Variants in VWA3A observed in about 807,000 individuals in gnomAD.
VWA3A encodes von Willebrand factor A domain containing 3A.
VWA3A carries 134 observed loss-of-function variants against 160.4 expected under a neutral mutation model. That is an observed-to-expected ratio of 0.84 (90% confidence interval 0.73 to 0.96). The LOEUF (loss-of-function observed/expected upper bound fraction) is 0.96, where lower values mean the gene tolerates loss of function less well. Ranked by LOEUF, VWA3A falls within the 40% of genes least tolerant of loss-of-function variation. VWA3A has a pLI of 0.00. For missense variants in VWA3A, 1,310 were observed against 1,447.9 expected, an observed-to-expected ratio of 0.90 and a Z score of 1.55; for synonymous variants, 476 against 543.4, an observed-to-expected ratio of 0.88 and a Z score of 1.72.
chr16:22,109,719 C>T lies in VWA3A; in HGVS notation c.582+139C>T. 21 of 693,372 alleles carry T rather than the reference C, an allele frequency of 3.0e-5. No homozygotes were observed. The South Asian group carries it at 3.9e-4, about 13-fold the overall frequency. 43.0% of individuals were successfully genotyped at this position (693,372 alleles called of 1,614,324 possible). A position where few individuals can be genotyped will look rare whatever the true frequency, so the allele number is the denominator to read the frequency against. Reference sequence around the variant, plus strand: ...AAGAACAGTTCACACTTAATTAGCACCTGTGGTTAGAGAACTATGTTGAAT... The same window carrying T: ...AAGAACAGTTCACACTTAATTAGCATCTGTGGTTAGAGAACTATGTTGAAT... On this transcript the variant is annotated intron_variant, in intron 7 of 33. Transcript: ENST00000389398.
intron 14 of VWA3A, 32 bp from the exon 15 acceptor site, chr16:22,123,053 C>A: frequency 1.9e-6 from 3 of 1,562,808 alleles, no homozygotes; most frequent in Non-Finnish European, 2.6e-6. Flanking sequence ...TTCTGTTCGC[C>A]TGCTCACCCT....
chr16:22,141,514 C>T, intron 23 of VWA3A, 68 bp from the exon 24 acceptor site: 1 of 1,461,846 alleles, frequency 6.8e-7, no homozygotes, highest in Admixed American at 2.0e-5. Context: ...TGTCTCTAAG[C>T]CAAGCTGGAC....
intron 5 of VWA3A, 34 bp downstream of exon 5, chr16:22,100,527 C>G: frequency 6.5e-7 from 1 of 1,538,992 alleles, no homozygotes; most frequent in Non-Finnish European, 8.8e-7. Context: ...CCCAACACCA[C>G]AGAACTCAAG....
intron 17 of VWA3A, among the ~76,000 whole-genome samples, chr16:22,127,426 A>G (rs1244597990): frequency 3.3e-5 from 5 of 152,132 alleles, no homozygotes; most frequent in Non-Finnish European, 5.9e-5. Flanking sequence ...GAGCTCAGCC[A>G]TAAAAACTAT....
intron 11 of VWA3A, 96 bp downstream of exon 11, chr16:22,117,272 C>G (rs772510768): frequency 7.8e-7 from 1 of 1,280,016 alleles, no homozygotes; most frequent in Non-Finnish European, 1.1e-6. Context: ...ATACTATATA[C>G]TTGTTTCTCC....
intron 21 of VWA3A, among the ~76,000 whole-genome samples, chr16:22,137,814 C>T (rs1039320694): frequency 2.0e-5 from 3 of 152,040 alleles, no homozygotes; most frequent in African/African-American, 7.3e-5. Context: ...TGCTGGAATT[C>T]GGGTCTGAAA....
rs766153500 is a variant in VWA3A, at chr16:22,126,146, G to A, written c.1533-32G>A. On this transcript the variant is annotated intron_variant, in intron 16 of 33. Transcript: ENST00000389398. ...AAATAAACATTATCTCAGAGATTCG[G>A]TTCTCCTCTTAAAGCTCGTGTTTCC... 5.6e-6 allele frequency: 9 copies of A among 1,611,838 alleles called. No individual in the cohort carries two copies. In the East Asian group the frequency reaches 2.0e-4, roughly 36 times the overall value.
chr16:22,123,864 C>T (rs2045791543), intron 16 of VWA3A, among the ~76,000 whole-genome samples, 157 bp downstream of exon 16: 1 of 152,034 alleles, frequency 6.6e-6, no homozygotes, highest in Non-Finnish European at 1.5e-5. Flanking sequence ...GAAAAAGTCA[C>T]CAACACCATC....
At chr16:22,119,663 C>T (rs541361707) in intron 12 of VWA3A, among the ~76,000 whole-genome samples, 1 of 152,104 alleles carries the variant, frequency 6.6e-6, no homozygotes, top group Non-Finnish European at 1.5e-5. Context: ...GAGCGAGGCC[C>T]TGTCTCAAAA....
intron 19 of VWA3A, 84 bp downstream of exon 19, chr16:22,131,813 G>A (rs2045954814): frequency 1.3e-6 from 2 of 1,497,604 alleles, no homozygotes; most frequent in African/African-American, 1.4e-5. Context: ...CAAGGTTTCT[G>A]CAGCATGATT....
intron 31 of VWA3A, 21 bp from the exon 32 acceptor site, chr16:22,155,546 C>T (rs758076384): frequency 1.9e-5 from 30 of 1,609,006 alleles, no homozygotes; most frequent in Non-Finnish European, 2.5e-5. Flanking sequence ...ATAAACTTCA[C>T]ACTCATTTCC....
intron 5 of VWA3A, among the ~76,000 whole-genome samples, chr16:22,100,847 A>C (rs1481638872): frequency 6.6e-5 from 10 of 150,426 alleles, no homozygotes; most frequent in Admixed American, 1.3e-4. Context: ...GTCTCAAAAA[A>C]AAAAAAAAGA....
chr16:22,095,841 A>G (rs2045311869), intron 1 of VWA3A, among the ~76,000 whole-genome samples: 1 of 152,170 alleles, frequency 6.6e-6, no homozygotes, highest in Non-Finnish European at 1.5e-5. Flanking sequence ...CTGGGATTAT[A>G]GGTGTGAGCT....
chr16:22,110,698 C>T (rs533785108), intron 7 of VWA3A, among the ~76,000 whole-genome samples, 190 bp from the exon 8 acceptor site: 35 of 152,214 alleles, frequency 2.3e-4, no homozygotes, highest in Non-Finnish European at 3.8e-4. Flanking sequence ...AGATGCTCAT[C>T]CCACCCACAG....
In VWA3A at chr16:22,131,601, C is replaced by T. The variant is rs746722541; in HGVS notation, c.1744C>T (p.Arg582Trp). ...CCTCCGCAGGTGGGCCCTGAACCTG[C>T]GGTGTCGGGGCAGCAGGAACGTTCT... is the stretch of plus-strand genomic sequence containing the variant. ...QSAWRWALNL[R>W]CRGSRNVLSA... The change falls in exon 19 of 34, where the codon CGG (arginine) becomes TGG (tryptophan). Residue 582 changes from arginine to tryptophan, a missense_variant. Transcript: ENST00000389398. 4.6e-5 allele frequency: 74 copies of T among 1,612,834 alleles called. 1 individual carries two copies. Among genetic ancestry groups the T allele is most frequent in the Admixed American group, 2.3e-4 (14 of 59,904 alleles).
At position 22,123,183 on chromosome 16, in the gene VWA3A, T is replaced by A; in HGVS notation, c.1437+18T>A. The A allele has an allele frequency of 6.3e-7, 1 of 1,586,554 alleles. No individual in the cohort carries two copies. Among genetic ancestry groups the A allele is most frequent in the Non-Finnish European group, 8.6e-7 (1 of 1,165,044 alleles). ...AGTACCAGGTCAGTGATGGGTTCAA[T>A]CAGTCAGAAAATGGGGTGCAGAAAG... is the stretch of plus-strand genomic sequence containing the variant. On this transcript the variant is annotated intron_variant, in intron 15 of 33. Coordinates refer to ENST00000389398, the MANE Select transcript of VWA3A (RefSeq NM_173615.5).
chr16:22,101,100 C>T (rs1382430291), intron 5 of VWA3A, among the ~76,000 whole-genome samples: 2 of 151,894 alleles, frequency 1.3e-5, no homozygotes, highest in South Asian at 4.1e-4. Flanking sequence ...TTTTCAAATC[C>T]ATAGTCTAGG....
intron 9 of VWA3A, among the ~76,000 whole-genome samples, chr16:22,115,895 AAGG>A (rs2045627000): frequency 1.5e-3 from 52 of 34,526 alleles, no homozygotes; most frequent in African/African-American, 7.0e-3. Flanking sequence ...GGAAGGAAGG[AAGG>A]AAGGAAGGAA....
rs937736167 is a variant in VWA3A at position 22,138,647 on chromosome 16, T to C, written c.2292+135T>C. 4.9e-6 allele frequency: 6 copies of C among 1,215,618 alleles called. No homozygotes were observed. The African/African-American group carries it at 9.2e-5, about 19-fold the overall frequency. The allele number at this position is 1,215,618 out of a possible 1,614,324, so 75.3% of individuals were successfully genotyped here. On this transcript the variant is annotated intron_variant, in intron 22 of 33. Transcript: ENST00000389398. ...CAGTGGTGAGTGTCCTGTGGGTGCC[T>C]CTTGCCCAGGCCTCCAGGGGGAAAA...
Sources: allele counts gnomAD v4.1 joint callset (sites outside exome capture counted in the v4.1 genomes callset), GRCh38; gene constraint gnomAD v4.1.1; transcripts MANE v1.5; gene names NCBI Gene and HGNC (gene_info 2026-07-23, HGNC 2026-07-21).